The following CNTNAP5 variants were observed in gnomAD, a reference collection of about 807,000 sequenced individuals.
CNTNAP5 encodes contactin-associated protein-like 5.
A neutral mutation model predicts 150.2 loss-of-function variants in CNTNAP5; 72 were observed. The ratio of observed to expected loss-of-function variants is 0.48; its 90% confidence interval spans 0.40 to 0.58. The LOEUF (loss-of-function observed/expected upper bound fraction) is 0.58, where lower values mean the gene tolerates loss of function less well. Among genes scored for constraint, CNTNAP5 ranks in the 20% least tolerant of loss-of-function variants. The probability of loss-of-function intolerance (pLI) is 0.00; values close to 1 mark genes in which losing one functional copy is unlikely to be tolerated. For missense variants in CNTNAP5, 1,636 were observed against 1,626.2 expected (o/e 1.01, Z -0.10); for synonymous variants, 672 against 619.8 (o/e 1.08, Z -1.25).
intron 23 of CNTNAP5, among the ~76,000 whole-genome samples, chr2:124,912,716 G>A (rs1462836359): frequency 6.6e-6 from 1 of 152,038 alleles, no homozygotes; most frequent in Non-Finnish European, 1.5e-5. Context: ...TTTTGTGACT[G>A]CTGACTCCTC....
At chr2:124,886,150 T>A (rs1210392405) in intron 21 of CNTNAP5, among the ~76,000 whole-genome samples, 2 of 152,090 alleles carry the variant, frequency 1.3e-5, no homozygotes, top group African/African-American at 2.4e-5. Flanking sequence ...TTTATTCTTT[T>A]AATTATCCTA....
chr2:124,072,791 A>G (rs1682337937), intron 1 of CNTNAP5, among the ~76,000 whole-genome samples: 1 of 152,020 alleles, frequency 6.6e-6, no homozygotes, highest in South Asian at 2.1e-4. Context: ...ACCCAAAACA[A>G]TCTACAGATT....
chr2:124,618,225 C>G (rs1389783744), intron 12 of CNTNAP5, among the ~76,000 whole-genome samples: 2 of 151,896 alleles, frequency 1.3e-5, no homozygotes, highest in East Asian at 3.9e-4. Context: ...ATAGATAGCT[C>G]TTCAGCATGT....
At chr2:124,837,551 T>C (rs1181955572) in intron 19 of CNTNAP5, among the ~76,000 whole-genome samples, 1 of 152,174 alleles carries the variant, frequency 6.6e-6, no homozygotes. Context: ...ACTCTATTTT[T>C]AGTCCCTCTT....
intron 3 of CNTNAP5, among the ~76,000 whole-genome samples, chr2:124,405,726 C>G (rs1444762596): frequency 6.6e-6 from 1 of 152,204 alleles, no homozygotes. Context: ...TTTCCATCCT[C>G]AGAGCTTAGG....
At chr2:124,893,977 C>T (rs1231613469) in intron 21 of CNTNAP5, among the ~76,000 whole-genome samples, 1 of 152,014 alleles carries the variant, frequency 6.6e-6, no homozygotes, top group African/African-American at 2.4e-5. Context: ...AGATATAACT[C>T]ATCAAAAATG....
At chr2:124,893,769 C>T (rs1159477380) in intron 21 of CNTNAP5, among the ~76,000 whole-genome samples, 1 of 151,868 alleles carries the variant, frequency 6.6e-6, no homozygotes, top group African/African-American at 2.4e-5. Flanking sequence ...GACTCCAGTC[C>T]CAGAGAATAG....
intron 7 of CNTNAP5, among the ~76,000 whole-genome samples, chr2:124,479,962 A>G (rs562380243): frequency 1.2e-4 from 19 of 152,326 alleles, no homozygotes; most frequent in Middle Eastern, 6.8e-3. Flanking sequence ...CATGGTACAC[A>G]CTAAGCACCC....
Position 124,133,510 on chromosome 2 carries a change from A to G in CNTNAP5, c.83-88195A>G, listed in dbSNP as rs569065240. The stretch of plus-strand genomic sequence containing the variant: ...GGCAAGGGCATGTGTCATTCTTTCT[A>G]TAGGAAATGCTTTCCCTCTGCTTAT... On this transcript the variant is annotated intron_variant, in intron 1 of 23. Transcript: ENST00000682447. Among the ~76,000 whole-genome samples the G allele has an allele frequency of 1.1e-4, 16 of 152,180 alleles. No individual in the cohort carries two copies. In the South Asian group the frequency reaches 3.1e-3, roughly 30 times the overall value.
At chr2:124,678,280 C>A (rs1450807041) in intron 13 of CNTNAP5, among the ~76,000 whole-genome samples, 2 of 151,816 alleles carry the variant, frequency 1.3e-5, no homozygotes, top group Non-Finnish European at 1.5e-5. Flanking sequence ...CCCCTTTATC[C>A]TTTCTCCTTT....
intron 4 of CNTNAP5, 80 bp from the exon 5 acceptor site, chr2:124,434,404 A>G (rs1692471220): frequency 9.1e-7 from 1 of 1,099,116 alleles, no homozygotes; most frequent in Non-Finnish European, 1.4e-6. Flanking sequence ...TGAACTGGAC[A>G]TGAAATAAGA....
intron 14 of CNTNAP5, among the ~76,000 whole-genome samples, chr2:124,754,728 C>A (rs974888932): frequency 2.0e-5 from 3 of 151,992 alleles, no homozygotes; most frequent in Non-Finnish European, 4.4e-5. Context: ...CACTCTGTCA[C>A]CCAGGCTCAA....
intron 14 of CNTNAP5, among the ~76,000 whole-genome samples, chr2:124,759,035 A>G (rs1470113556): frequency 1.3e-5 from 2 of 152,162 alleles, no homozygotes; most frequent in East Asian, 3.9e-4. Context: ...ATATAAATCA[A>G]TGTCACAAAA....
chr2:124,527,468 C>T lies in CNTNAP5; in HGVS notation c.1649+12C>T, dbSNP rs950365826. ...AGCATCAAAGACAGGTAATTATTGT[C>T]TCTTCTCCTCTGTTCTGCCACCCCC... On this transcript the variant is annotated intron_variant, in intron 10 of 23. Coordinates refer to ENST00000682447, the MANE Select transcript of CNTNAP5 (RefSeq NM_001367498.1). 6.3e-7 allele frequency: 1 copy of T among 1,599,628 alleles called. No homozygotes were observed. The highest frequency in any genetic ancestry group is 1.3e-5 in the African/African-American group (1 of 74,572).
chr2:124,153,681 C>T (rs1278794000), intron 1 of CNTNAP5, among the ~76,000 whole-genome samples: 1 of 146,706 alleles, frequency 6.8e-6, no homozygotes, highest in African/African-American at 2.6e-5. Context: ...GTGATCTCAG[C>T]TCACTGCAAC....
At chr2:124,605,157 C>T (rs1018442612) in intron 11 of CNTNAP5, among the ~76,000 whole-genome samples, 3 of 152,174 alleles carry the variant, frequency 2.0e-5, no homozygotes, top group African/African-American at 7.2e-5. Flanking sequence ...TACAGCTTAC[C>T]ACCACCCAGC....
intron 3 of CNTNAP5, among the ~76,000 whole-genome samples, chr2:124,246,741 G>T (rs562949676): frequency 2.0e-5 from 3 of 152,188 alleles, no homozygotes; most frequent in Non-Finnish European, 2.9e-5. Flanking sequence ...CACTGTCAGT[G>T]AGGGTCTTCT....
intron 1 of CNTNAP5, among the ~76,000 whole-genome samples, chr2:124,218,866 A>G (rs1291696161): frequency 6.6e-6 from 1 of 152,124 alleles, no homozygotes; most frequent in Non-Finnish European, 1.5e-5. Flanking sequence ...AAATTTCCTC[A>G]TCAGTTTATT....
intron 3 of CNTNAP5, among the ~76,000 whole-genome samples, chr2:124,284,601 T>C (rs1049701692): frequency 6.6e-6 from 1 of 151,902 alleles, no homozygotes; most frequent in African/African-American, 2.4e-5. Flanking sequence ...TGCACATGTA[T>C]CCTGGAACTT....
Sources: gnomAD v4.1 joint callset for allele counts (sites outside exome capture counted in the v4.1 genomes callset) on GRCh38, gnomAD v4.1.1 for gene constraint, MANE v1.5 for transcripts, NCBI Gene and HGNC (gene_info 2026-07-23, HGNC 2026-07-21) for gene names.